Variants in PTK7 observed in about 807,000 individuals in gnomAD.
PTK7 encodes the protein protein tyrosine kinase 7 (inactive), also known as inactive tyrosine-protein kinase 7.
PTK7 carries 39 observed loss-of-function variants against 116.6 expected under a neutral mutation model. The ratio of observed to expected loss-of-function variants is 0.33; its 90% CI spans 0.26 to 0.44. The LOEUF (loss-of-function observed/expected upper bound fraction) is 0.44. Among genes scored for constraint, PTK7 ranks in the 20% least tolerant of loss-of-function variants. The pLI is 1.00. For missense variants in PTK7, 1,169 were observed against 1,425.6 expected, an observed-to-expected ratio of 0.82 and a Z score of 2.90; for synonymous variants, 546 against 563.6, an observed-to-expected ratio of 0.97 and a Z score of 0.44.
intron 17 of PTK7, among the ~76,000 whole-genome samples, chr6:43,148,426 A>T (rs1770849933): frequency 6.6e-6 from 1 of 152,220 alleles, no homozygotes; most frequent in Non-Finnish European, 1.5e-5. Context: ...AGGTGGACAG[A>T]TGGTTGTGGT....
chr6:43,086,555 C>G lies in PTK7; in HGVS notation c.79+9988C>G, dbSNP rs139249561. 2.0e-5 allele frequency among the ~76,000 whole-genome samples: 3 copies of G among 151,984 alleles called. No individual in the cohort carries two copies. In the East Asian group the frequency reaches 5.8e-4, roughly 29 times the overall value. On this transcript the variant is annotated intron_variant, in intron 1 of 19. Coordinates refer to ENST00000230419, the MANE Select transcript of PTK7 (RefSeq NM_002821.5). The stretch of plus-strand genomic sequence containing the variant: ...CACATTACAAATAAGTACTCCCAGT[C>G]GTGGGCGCAGTGGCTTACGCCTGTA...
chr6:43,078,880 T>TG (rs1766209122), intron 1 of PTK7, among the ~76,000 whole-genome samples: 1 of 152,184 alleles, frequency 6.6e-6, no homozygotes, highest in South Asian at 2.1e-4. Context: ...CTTGTTTCTT[T>TG]GGGGAAATTG....
intron 1 of PTK7, among the ~76,000 whole-genome samples, chr6:43,114,009 C>T (rs1022160829): frequency 4.8e-5 from 7 of 145,802 alleles, no homozygotes; most frequent in African/African-American, 5.0e-5. Context: ...GGCCTGTGGC[C>T]GGGGACTCAG....
chr6:43,157,364 A>ATATATATATATATT (rs70990168), intron 17 of PTK7, among the ~76,000 whole-genome samples: 2 of 54,346 alleles, frequency 3.7e-5, no homozygotes, highest in Non-Finnish European at 6.6e-5. Flanking sequence ...ATATATATAT[A>ATATATATATATATT]TTTTTTTTTT....
chr6:43,085,768 T>C (rs953305813), intron 1 of PTK7, among the ~76,000 whole-genome samples: 1 of 151,456 alleles, frequency 6.6e-6, no homozygotes, highest in African/African-American at 2.4e-5. Flanking sequence ...ACCCCATCTC[T>C]AGTAAAAATA....
chr6:43,148,218 A>C (rs1166540103), intron 17 of PTK7, among the ~76,000 whole-genome samples: 2 of 150,454 alleles, frequency 1.3e-5, no homozygotes, highest in African/African-American at 2.5e-5. Context: ...ACACCACTGC[A>C]CTCCAGCCTG....
intron 1 of PTK7, among the ~76,000 whole-genome samples, chr6:43,108,284 G>A (rs1012195876): frequency 1.3e-5 from 2 of 150,776 alleles, no homozygotes; most frequent in African/African-American, 4.9e-5. Flanking sequence ...TAGTAGAGAC[G>A]GGGTTTCCCC....
chr6:43,139,486 A>G lies in PTK7; in HGVS notation c.1579A>G (p.Thr527Ala). The change falls in exon 10 of 20, where the codon ACA becomes GCA. Residue 527 changes from threonine to alanine, a missense_variant. Physicochemically the swap from Thr to Ala is moderately conservative, Grantham distance 58. Transcript: ENST00000230419. This position sits in a 1 kb window ranked among gnomAD's most constrained non-coding sequence, Gnocchi z 4.6. ...DKEATVPCSA[T>A]GREKPTIKWE... ...GGAGGCCACGGTGCCCTGTTCAGCCACAGGCCGAGAGAAGCCCACTATTAA... is the reference window on the plus strand; with the variant it reads ...GGAGGCCACGGTGCCCTGTTCAGCCGCAGGCCGAGAGAAGCCCACTATTAA... 1 of 1,614,210 alleles carries G rather than the reference A, an allele frequency of 6.2e-7. No homozygotes were observed. The highest frequency in any genetic ancestry group is 8.5e-7 in the Non-Finnish European group (1 of 1,180,024).
At chr6:43,115,594 T>A (rs981068920) in intron 1 of PTK7, among the ~76,000 whole-genome samples, 48 of 152,152 alleles carry the variant, frequency 3.2e-4, no homozygotes, top group Non-Finnish European at 1.3e-4. Flanking sequence ...GCCGCAGAGA[T>A]GGCTGCGAGG....
chr6:43,150,761 G>A (rs1582210624), intron 17 of PTK7, among the ~76,000 whole-genome samples: 1 of 144,680 alleles, frequency 6.9e-6, no homozygotes, highest in Non-Finnish European at 1.5e-5. Flanking sequence ...GGTGCTGCAG[G>A]GGTTATTTTA....
At chr6:43,100,406 G>GT (rs35115954) in intron 1 of PTK7, among the ~76,000 whole-genome samples, 15,522 of 149,000 alleles carry the variant, frequency 0.1, 1,312 homozygotes, top group East Asian at 0.31. Context: ...AATCATTAGG[G>GT]TTTTTTTAAA....
intron 5 of PTK7, among the ~76,000 whole-genome samples, chr6:43,131,078 C>CT (rs1193201176): frequency 6.8e-6 from 1 of 147,532 alleles, no homozygotes; most frequent in Non-Finnish European, 1.5e-5. Context: ...CACACACACA[C>CT]TTTTTAGAGG....
At chr6:43,105,857 C>T (rs1767860436) in intron 1 of PTK7, among the ~76,000 whole-genome samples, 1 of 152,174 alleles carries the variant, frequency 6.6e-6, no homozygotes, top group African/African-American at 2.4e-5. Flanking sequence ...TTTGATTTTG[C>T]ACTCTGGCCT....
rs1769622521 is a variant in PTK7, at chr6:43,130,761, A to G, written c.812+100A>G. ...TATCACAGACATCACAGATTTGTACATGTATTATTTCAAATTTCCAAGAGA... is the reference window on the plus strand; with the variant it reads ...TATCACAGACATCACAGATTTGTACGTGTATTATTTCAAATTTCCAAGAGA... On this transcript the variant is annotated intron_variant, in intron 5 of 19. Transcript: ENST00000230419. 9 of 1,456,428 alleles carry G rather than the reference A, an allele frequency of 6.2e-6. No homozygotes were observed. In the East Asian group the frequency reaches 1.6e-4, roughly 26 times the overall value. 90.2% of individuals were successfully genotyped at this position (1,456,428 alleles called of 1,614,324 possible). A position where few individuals can be genotyped will look rare whatever the true frequency, so the allele number is the denominator to read the frequency against.
chr6:43,096,752 C>T (rs1767282992), intron 1 of PTK7, among the ~76,000 whole-genome samples: 1 of 152,232 alleles, frequency 6.6e-6, no homozygotes, highest in Non-Finnish European at 1.5e-5. Flanking sequence ...GCCTGCCTGT[C>T]CGGTAGGGCC....
Position 43,139,452 on chromosome 6 carries a change from G to T in PTK7, c.1545G>T (p.Glu515Asp). 1 of 1,614,268 alleles carries T rather than the reference G, an allele frequency of 6.2e-7. No individual in the cohort carries two copies. Among genetic ancestry groups the T allele is most frequent in the Non-Finnish European group, 8.5e-7 (1 of 1,180,052 alleles). ...TPPPQPQQCM[E>D]FDKEATVPCS... ...CACCCCAGCCACAGCAGTGCATGGA[G>T]TTTGACAAGGAGGCCACGGTGCCCT... The change falls in exon 10 of 20, where the codon GAG (glutamate) becomes GAT (aspartate). Residue 515 changes from glutamate to aspartate, a missense_variant. By Grantham distance (45) the Glu-to-Asp change is conservative. Transcript: ENST00000230419. This position sits in a 1 kb window ranked among gnomAD's most constrained non-coding sequence, Gnocchi z 4.6.
intron 1 of PTK7, among the ~76,000 whole-genome samples, chr6:43,095,921 G>A (rs982476778): frequency 3.3e-5 from 5 of 152,178 alleles, no homozygotes; most frequent in African/African-American, 1.2e-4. Context: ...TTTAAACCAA[G>A]TCAACAAATA....
intron 10 of PTK7, among the ~76,000 whole-genome samples, chr6:43,140,181 G>A (rs1488591949): frequency 6.6e-6 from 1 of 152,202 alleles, no homozygotes; most frequent in Non-Finnish European, 1.5e-5. Context: ...GGGCGTGGTG[G>A]CTCACGCCTG....
At position 43,132,485 on chromosome 6, in the gene PTK7, C is replaced by G. The variant is rs781137858; in HGVS notation, c.1026C>G (p.Thr342=). Residue 342 remains threonine (T), a synonymous_variant, in exon 7 of 20, where the codon ACC becomes ACG. Coordinates refer to ENST00000230419, the MANE Select transcript of PTK7 (RefSeq NM_002821.5). ...VFTAGSEERV[T]CLPPKGLPEP... ...CAGCTGGCAGCGAGGAGCGTGTGAC[C>G]TGCCTTCCCCCCAAGGGTCTGCCAG... The G allele has an allele frequency of 6.2e-7, 1 of 1,603,790 alleles. No individual in the cohort carries two copies. The highest frequency in any genetic ancestry group is 1.1e-5 in the South Asian group (1 of 90,712).
Sources: gnomAD v4.1 joint callset for allele counts (sites outside exome capture counted in the v4.1 genomes callset) on GRCh38, gnomAD v4.1.1 for gene constraint, Gnocchi (gnomAD v3.1) non-coding constraint, MANE v1.5 for transcripts, NCBI Gene and HGNC (gene_info 2026-07-23, HGNC 2026-07-21) for gene names.